ZDHHC7: variants seen among roughly 807,000 people sequenced by gnomAD.
ZDHHC7 encodes the protein palmitoyltransferase ZDHHC7.
A neutral mutation model predicts 34.1 loss-of-function variants in ZDHHC7; 12 were observed. The ratio of observed to expected loss-of-function variants is 0.35; its 90% CI spans 0.23 to 0.57. The LOEUF is 0.57. Among genes scored for constraint, ZDHHC7 ranks in the 20% least tolerant of loss-of-function variants. The probability of loss-of-function intolerance (pLI) is 0.84; values close to 1 mark genes in which losing one functional copy is unlikely to be tolerated. For synonymous variants in ZDHHC7, 185 were observed against 155.4 expected (o/e 1.19, Z -1.42); for missense variants, 388 against 402.7 (o/e 0.96, Z 0.31).
chr16:85,014,114 G>A (rs1022068120), upstream of ZDHHC7, among the ~76,000 whole-genome samples: 4 of 152,204 alleles, frequency 2.6e-5, no homozygotes, highest in Admixed American at 6.5e-5. Context: ...CTCAAAAAAT[G>A]AGGAGTGGAG....
At position 85,011,298 on chromosome 16, in the gene ZDHHC7, C is replaced by G. The variant is rs1008153982; in HGVS notation, c.-116G>C. On this transcript the variant is annotated 5_prime_UTR_variant, in exon 1 of 8. Coordinates refer to ENST00000313732, the MANE Select transcript of ZDHHC7 (RefSeq NM_017740.3). ...CCGCCGCACTCACCCGAGGCCCGGG[C>G]GGGGTCGCCCGGCGCTGCGGCTCCT... is the stretch of plus-strand genomic sequence containing the variant. 6.6e-6 allele frequency: 1 copy of G among 152,170 alleles called. No homozygotes were observed. Among genetic ancestry groups the G allele is most frequent in the Admixed American group, 6.6e-5 (1 of 15,200 alleles). 9.4% of individuals were successfully genotyped at this position (152,170 alleles called of 1,614,324 possible).
intron 2 of ZDHHC7, among the ~76,000 whole-genome samples, chr16:84,993,323 A>G (rs1337061859): frequency 6.6e-6 from 1 of 152,044 alleles, no homozygotes; most frequent in East Asian, 1.9e-4. Flanking sequence ...TGTCTCAAAA[A>G]ATAAAAATAA....
chr16:85,022,223 T>C, the ZDHHC7 span, among the ~76,000 whole-genome samples: 5 of 144,102 alleles, frequency 3.5e-5, no homozygotes, highest in African/African-American at 1.0e-4. Context: ...GGTGGAGCAA[T>C]AGAATTAGAA....
In ZDHHC7 at chr16:84,976,584, C is replaced by G. The variant is rs192433356; in HGVS notation, c.751-65G>C. ...AAGCTCGGCAGACCCCACCAAGCCT[C>G]AGAATCACACCGTGCTCAAGCACAG... On this transcript the variant is annotated intron_variant, in intron 7 of 7. Coordinates refer to ENST00000313732, the MANE Select transcript of ZDHHC7 (RefSeq NM_017740.3). 14,235 of 1,570,864 alleles carry G rather than the reference C, an allele frequency of 9.1e-3. 81 individuals carry two copies. The highest frequency in any genetic ancestry group is 0.013 in the South Asian group (1,162 of 86,706).
In ZDHHC7 at chr16:84,988,949, C is replaced by T. The variant is rs535249169; in HGVS notation, c.315+1355G>A. ...GCTGGCCCTCTCCTTTGTCGAAGTG[C>T]CTGGGCACTTTGGGCAACAAACAAG... On this transcript the variant is annotated intron_variant, in intron 3 of 7. Coordinates refer to ENST00000313732, the MANE Select transcript of ZDHHC7 (RefSeq NM_017740.3). 5.4e-5 allele frequency: 78 copies of T among 1,443,364 alleles called. No homozygotes were observed. The East Asian group carries it at 1.7e-3, about 31-fold the overall frequency. 89.4% of individuals were successfully genotyped at this position (1,443,364 alleles called of 1,614,324 possible). A position where few individuals can be genotyped will look rare whatever the true frequency, so the allele number is the denominator to read the frequency against.
At chr16:84,984,924 T>C (rs2072417549) in intron 3 of ZDHHC7, among the ~76,000 whole-genome samples, 1 of 152,214 alleles carries the variant, frequency 6.6e-6, no homozygotes, top group East Asian at 1.9e-4. Flanking sequence ...GTGCCCACGA[T>C]GACAGCGGCA....
At chr16:85,001,896 A>G (rs1268893471) in intron 1 of ZDHHC7, among the ~76,000 whole-genome samples, 1 of 145,056 alleles carries the variant, frequency 6.9e-6, no homozygotes, top group Non-Finnish European at 1.5e-5. Context: ...TCTCTAATAA[A>G]TAAAAGGAAC....
At chr16:85,024,412 T>C in the ZDHHC7 span, among the ~76,000 whole-genome samples, 3 of 151,980 alleles carry the variant, frequency 2.0e-5, no homozygotes, top group Non-Finnish European at 4.4e-5. Context: ...TTTGTATCTT[T>C]AGTAGAGATG....
intron 2 of ZDHHC7, among the ~76,000 whole-genome samples, chr16:84,995,168 C>T (rs3848250): frequency 0.63 from 96,110 of 152,110 alleles, 32,628 homozygotes; most frequent in African/African-American, 0.88. Flanking sequence ...CACACAGATG[C>T]CCCAGCATCA....
chr16:85,011,802 TAGC>T (rs1267341205), upstream of ZDHHC7, among the ~76,000 whole-genome samples: 1 of 152,162 alleles, frequency 6.6e-6, no homozygotes, highest in African/African-American at 2.4e-5. Context: ...GGAATGCCCT[TAGC>T]GGAGTGTGTA....
At chr16:84,996,664 TCA>T (rs2072582001) in intron 1 of ZDHHC7, among the ~76,000 whole-genome samples, 2 of 152,024 alleles carry the variant, frequency 1.3e-5, no homozygotes, top group African/African-American at 4.8e-5. Flanking sequence ...CCTCCCTAAG[TCA>T]GGGGCCACAG....
rs547858822 is a variant in ZDHHC7, at chr16:85,002,430, G to A, written c.-103-6423C>T. Among the ~76,000 whole-genome samples, 100 of 152,294 alleles carry A rather than the reference G, an allele frequency of 6.6e-4. 1 individual carries two copies. The highest frequency in any genetic ancestry group is 2.4e-3 in the African/African-American group (98 of 41,560). On this transcript the variant is annotated intron_variant, in intron 1 of 7. Transcript: ENST00000313732. ...ACACAGCCTTGACAGGCTGTGGCGAGACAGGCCCTCTAACTGCATCACCCA... is the reference window on the plus strand; with the variant it reads ...ACACAGCCTTGACAGGCTGTGGCGAAACAGGCCCTCTAACTGCATCACCCA...
the ZDHHC7 span, among the ~76,000 whole-genome samples, chr16:85,019,123 A>C: frequency 6.6e-6 from 1 of 152,036 alleles, no homozygotes; most frequent in Admixed American, 6.6e-5. Context: ...GGCTGTTAGG[A>C]CTTGACTCAG....
chr16:85,008,753 A>G (rs1218085974), intron 1 of ZDHHC7, among the ~76,000 whole-genome samples: 2 of 77,576 alleles, frequency 2.6e-5, no homozygotes, highest in African/African-American at 1.1e-4. Flanking sequence ...GGTTTGAAGA[A>G]AAAAAAAAAG....
chr16:85,023,372 C>G, the ZDHHC7 span, among the ~76,000 whole-genome samples: 15 of 152,070 alleles, frequency 9.9e-5, no homozygotes, highest in Non-Finnish European at 2.1e-4. Context: ...ACCGTGTTGG[C>G]CAGGCTGGTC....
intron 3 of ZDHHC7, chr16:84,988,632 G>T: frequency 1.3e-6 from 1 of 779,848 alleles, no homozygotes; most frequent in Non-Finnish European, 2.1e-6. Flanking sequence ...AGCAGAAGCT[G>T]GACTGCTGAG....
In ZDHHC7 at chr16:85,011,301, GGT is replaced by G. The variant is rs1389324399; in HGVS notation, c.-121_-120del. 1.3e-5 allele frequency: 2 copies of G among 152,132 alleles called. No homozygotes were observed. Among genetic ancestry groups the G allele is most frequent in the African/African-American group, 4.8e-5 (2 of 41,326 alleles). 9.4% of individuals were successfully genotyped at this position (152,132 alleles called of 1,614,324 possible). A position where few individuals can be genotyped will look rare whatever the true frequency, so the allele number is the denominator to read the frequency against. Reference sequence around the variant, plus strand: ...CCGCACTCACCCGAGGCCCGGGCGGGGTCGCCCGGCGCTGCGGCTCCTCCCGG... The same window carrying G: ...CCGCACTCACCCGAGGCCCGGGCGGGCGCCCGGCGCTGCGGCTCCTCCCGG... On this transcript the variant is annotated 5_prime_UTR_variant, in exon 1 of 8. It removes the in-frame stop codon of an upstream open reading frame in the 5' UTR. Transcript: ENST00000313732.
chr16:84,988,802 A>G lies in ZDHHC7; in HGVS notation c.315+1502T>C, dbSNP rs1231828467. On this transcript the variant is annotated intron_variant, in intron 3 of 7. Transcript: ENST00000313732. ...GCACAGACTCGGTTCCCTCACCACA[A>G]ATGCCCACAAGGGTTGGGTCCAGCC... The G allele has an allele frequency of 3.2e-6, 5 of 1,551,720 alleles. No individual in the cohort carries two copies. In the South Asian group the frequency reaches 5.9e-5, roughly 18 times the overall value.
the ZDHHC7 span, among the ~76,000 whole-genome samples, chr16:85,018,850 GT>G: frequency 3.3e-5 from 5 of 152,150 alleles, no homozygotes; most frequent in Non-Finnish European, 5.9e-5. Context: ...GGGTGTTTGG[GT>G]TCTTATTTTT....
Sources: gnomAD v4.1 joint callset for allele counts (sites outside exome capture counted in the v4.1 genomes callset) on GRCh38, gnomAD v4.1.1 for gene constraint, MANE v1.5 for transcripts, NCBI Gene and HGNC (gene_info 2026-07-23, HGNC 2026-07-21) for gene names.